The following SLC1A2 variants were observed in gnomAD, a reference collection of about 807,000 sequenced individuals.
SLC1A2 encodes the protein excitatory amino acid transporter 2.
Under a neutral mutation model 48.8 loss-of-function variants are expected in SLC1A2, and 15 were observed. That is an observed-to-expected ratio of 0.31 (90% CI 0.21 to 0.47). SLC1A2 has a LOEUF of 0.47. Among genes scored for constraint, SLC1A2 ranks in the 20% least tolerant of loss-of-function variants. The pLI is 0.99. For missense variants in SLC1A2, 502 were observed against 730.5 expected, an observed-to-expected ratio of 0.69 and a Z score of 3.61; for synonymous variants, 279 against 272.6, an observed-to-expected ratio of 1.02 and a Z score of -0.23.
chr11:35,393,862 C>T (rs898614657), intron 1 of SLC1A2, among the ~76,000 whole-genome samples: 2 of 152,112 alleles, frequency 1.3e-5, no homozygotes, highest in African/African-American at 2.4e-5. Flanking sequence ...AGAATAGAGA[C>T]TCCCTTTTAT....
intron 1 of SLC1A2, among the ~76,000 whole-genome samples, chr11:35,378,055 A>G (rs1228197748): frequency 6.6e-6 from 1 of 152,216 alleles, no homozygotes; most frequent in Non-Finnish European, 1.5e-5. Flanking sequence ...GCCATACAGA[A>G]CCACACAAGC....
chr11:35,252,665 CACG>C lies in SLC1A2; in HGVS notation c.*8226_*8228del, dbSNP rs1242320881. 1.3e-5 allele frequency: 2 copies of C among 152,256 alleles called. No individual in the cohort carries two copies. The highest frequency in any genetic ancestry group is 2.9e-5 in the Non-Finnish European group (2 of 68,032). The allele number at this position is 152,256 out of a possible 1,614,324, so 9.4% of individuals were successfully genotyped here. On this transcript the variant is annotated 3_prime_UTR_variant, in exon 11 of 11. Transcript: ENST00000278379. ...ACACTGAGAAAGAGGAGAAATGATT[CACG>C]ACTAGTTATCTAAGAAGGAAAAAGA...
intron 10 of SLC1A2, chr11:35,261,559 G>A: frequency 2.5e-6 from 1 of 397,214 alleles, no homozygotes; most frequent in Non-Finnish European, 4.4e-6. Flanking sequence ...TTAATAATCA[G>A]ATAAAATTAC....
intron 1 of SLC1A2, among the ~76,000 whole-genome samples, chr11:35,328,476 T>C (rs1311441412): frequency 6.6e-6 from 1 of 152,190 alleles, no homozygotes; most frequent in African/African-American, 2.4e-5. Context: ...GGTACTACTA[T>C]CAGCAACTTT....
intron 1 of SLC1A2, among the ~76,000 whole-genome samples, chr11:35,400,311 A>G (rs1855096151): frequency 6.6e-6 from 1 of 152,228 alleles, no homozygotes; most frequent in South Asian, 2.1e-4. Context: ...AAAAAATGAA[A>G]ACTATATACA....
intron 1 of SLC1A2, among the ~76,000 whole-genome samples, chr11:35,334,318 C>A (rs896426400): frequency 6.6e-5 from 10 of 152,164 alleles, no homozygotes; most frequent in African/African-American, 2.4e-4. Flanking sequence ...CAGCCCCTGT[C>A]CCTTTTGGTT....
chr11:35,286,041 T>G (rs982819718), intron 8 of SLC1A2: 2 of 151,940 alleles, frequency 1.3e-5, no homozygotes, highest in East Asian at 3.8e-4. Flanking sequence ...TTCAATGACT[T>G]AACCTATAAG....
rs34252173 is a variant in SLC1A2, at chr11:35,284,087, TTATA to T, written c.1286+2666_1286+2669del. 8.4e-4 allele frequency among the ~76,000 whole-genome samples: 97 copies of T among 115,858 alleles called. 2 individuals are homozygous for T. The highest frequency in any genetic ancestry group is 2.6e-3 in the Admixed American group (27 of 10,262). The allele number at this position is 115,858 out of a possible 152,430, so 76.0% of individuals were successfully genotyped here. On this transcript the variant is annotated intron_variant, in intron 8 of 10. Coordinates refer to ENST00000278379, the MANE Select transcript of SLC1A2 (RefSeq NM_004171.4). ...TCATAGGGTGGTTGTGAAGATTTTA[TTATA>T]TATATATATATATATATATAAATTA... is the stretch of plus-strand genomic sequence containing the variant.
intron 10 of SLC1A2, among the ~76,000 whole-genome samples, chr11:35,262,257 G>A (rs1436113718): frequency 6.6e-6 from 1 of 152,230 alleles, no homozygotes; most frequent in East Asian, 1.9e-4. Flanking sequence ...CGCATCAATA[G>A]TGGTACAAAA....
At chr11:35,300,806 AG>A (rs1851329668) in intron 6 of SLC1A2, among the ~76,000 whole-genome samples, 1 of 152,302 alleles carries the variant, frequency 6.6e-6, no homozygotes, top group East Asian at 1.9e-4. Context: ...ACTTGAGCCC[AG>A]AAGTTTGAGA....
chr11:35,320,588 T>C (rs749045199), intron 1 of SLC1A2, among the ~76,000 whole-genome samples: 7 of 152,234 alleles, frequency 4.6e-5, no homozygotes, highest in Non-Finnish European at 1.0e-4. Flanking sequence ...GGCAAGATTG[T>C]GATCTTTAAC....
chr11:35,271,361 C>T (rs1019414181), intron 9 of SLC1A2, among the ~76,000 whole-genome samples: 40 of 152,078 alleles, frequency 2.6e-4, no homozygotes, highest in Admixed American at 6.6e-5. Context: ...AGGATGCCAC[C>T]GAGGTGCTTA....
intron 1 of SLC1A2, among the ~76,000 whole-genome samples, chr11:35,349,558 C>T (rs966794886): frequency 6.6e-6 from 1 of 152,204 alleles, no homozygotes; most frequent in Non-Finnish European, 1.5e-5. Context: ...GAGAGAAGAG[C>T]TCTTCCCCTC....
rs185404937 is a variant in SLC1A2, at chr11:35,402,340, T to C, written c.17+16610A>G. On this transcript the variant is annotated intron_variant, in intron 1 of 10. Coordinates refer to ENST00000278379, the MANE Select transcript of SLC1A2 (RefSeq NM_004171.4). ...TGATTTAATCAATCATACCTAATAA[T>C]GTACCCTCCATAAAAATCCCTGAAC... Among the ~76,000 whole-genome samples, 763 of 152,264 alleles carry C rather than the reference T, an allele frequency of 5.0e-3. 3 individuals are homozygous for C. Among genetic ancestry groups the C allele is most frequent in the South Asian group, 0.012 (60 of 4,822 alleles).
intron 1 of SLC1A2, among the ~76,000 whole-genome samples, chr11:35,365,880 G>A (rs781541927): frequency 1.1e-4 from 16 of 152,198 alleles, no homozygotes; most frequent in East Asian, 1.9e-4. Context: ...CTAGGAACAC[G>A]TGGCAACACC....
At chr11:35,305,939 C>A in intron 5 of SLC1A2, 135 bp downstream of exon 5, 1 of 687,032 alleles carries the variant, frequency 1.5e-6, no homozygotes, top group South Asian at 2.0e-5. Context: ...GTCCCAGTGA[C>A]CCTCAAATTG....
At chr11:35,379,089 G>A (rs992954993) in intron 1 of SLC1A2, among the ~76,000 whole-genome samples, 1 of 152,124 alleles carries the variant, frequency 6.6e-6, no homozygotes, top group Non-Finnish European at 1.5e-5. Context: ...GTAGCCAGGC[G>A]TGGTGGTGAC....
intron 10 of SLC1A2, among the ~76,000 whole-genome samples, chr11:35,261,289 C>T (rs16927209): frequency 0.051 from 7,753 of 152,232 alleles, 631 homozygotes; most frequent in African/African-American, 0.17. Flanking sequence ...CCTTAAAATA[C>T]AGTGCCCATG....
chr11:35,306,294 G>GA (rs370271591), intron 4 of SLC1A2, 52 bp from the exon 5 acceptor site: 32,730 of 1,041,928 alleles, frequency 0.031, 14 homozygotes, highest in East Asian at 0.042. Flanking sequence ...CCTATAAGGT[G>GA]AAAAAAAAAA....
Sources: allele counts gnomAD v4.1 joint callset (sites outside exome capture counted in the v4.1 genomes callset), GRCh38; gene constraint gnomAD v4.1.1; transcripts MANE v1.5; gene names NCBI Gene and HGNC (gene_info 2026-07-23, HGNC 2026-07-21).